Variants in TMEM59 observed in about 807,000 individuals in gnomAD.
The protein encoded by TMEM59 is transmembrane protein 59.
TMEM59 carries 44 observed loss-of-function variants against 42.2 expected under a neutral mutation model. The ratio of observed to expected loss-of-function variants is 1.04; its 90% confidence interval spans 0.82 to 1.34. The LOEUF is 1.34. Ranked by LOEUF, TMEM59 falls within the 40% of genes most tolerant of loss-of-function variation. The pLI is 0.00. For synonymous variants in TMEM59, 148 were observed against 145.8 expected (o/e 1.02, Z -0.11); for missense variants, 359 against 382.8 (o/e 0.94, Z 0.52).
chr1:54,045,446 A>G (rs1657297117), intron 3 of TMEM59: 3 of 428,362 alleles, frequency 7.0e-6, no homozygotes, highest in Non-Finnish European at 1.2e-5. Context: ...AATGAGGATA[A>G]TATCTTCACT....
chr1:54,035,573 T>A (rs1312739440), intron 7 of TMEM59, among the ~76,000 whole-genome samples: 2 of 152,134 alleles, frequency 1.3e-5, no homozygotes, highest in Admixed American at 6.5e-5. Context: ...TGGGGTTAGA[T>A]ACCAGAATAT....
At chr1:54,038,212 A>T (rs140694644) in intron 6 of TMEM59, among the ~76,000 whole-genome samples, 1 of 152,290 alleles carries the variant, frequency 6.6e-6, no homozygotes, top group East Asian at 1.9e-4. Context: ...CATATATAGT[A>T]ATGTACCCTA....
chr1:54,041,105 T>C (rs1449827153), intron 5 of TMEM59, among the ~76,000 whole-genome samples: 1 of 152,232 alleles, frequency 6.6e-6, no homozygotes, highest in Non-Finnish European at 1.5e-5. Context: ...TGGTTTATTC[T>C]AATCTAATTA....
intron 3 of TMEM59, 23 bp from the exon 4 acceptor site, chr1:54,043,548 GA>G (rs1319881193): frequency 1.4e-6 from 2 of 1,387,058 alleles, no homozygotes; most frequent in Non-Finnish European, 1.9e-6. Flanking sequence ...TAAATAATGA[GA>G]AATATATTAT....
chr1:54,042,337 T>C (rs149291808), intron 4 of TMEM59, among the ~76,000 whole-genome samples: 19 of 152,294 alleles, frequency 1.2e-4, no homozygotes, highest in Admixed American at 3.9e-4. Context: ...ATCCCAGTTA[T>C]GCTCAAATTC....
At chr1:54,036,576 G>T in intron 7 of TMEM59, 34 bp downstream of exon 7, 1 of 1,432,014 alleles carries the variant, frequency 7.0e-7, no homozygotes, top group South Asian at 1.3e-5. Context: ...TATATCACAG[G>T]GCTCAGTCTT....
At chr1:54,034,321 T>C (rs1051882734) in intron 7 of TMEM59, 1 of 152,124 alleles carries the variant, frequency 6.6e-6, no homozygotes, top group African/African-American at 2.4e-5. Context: ...ATAGATTTTC[T>C]TTCTGGGCTG....
Position 54,052,988 on chromosome 1 carries a change from G to C in TMEM59, c.189+12C>G. On this transcript the variant is annotated intron_variant, in intron 1 of 7. Coordinates refer to ENST00000234831, the MANE Select transcript of TMEM59 (RefSeq NM_004872.5). ...AAGGGAAGGGTCGCAGCCCGCTCCG[G>C]ACGGGCCCTACCTTAGGGTAGGTGT... 6.2e-7 allele frequency: 1 copy of C among 1,604,100 alleles called. No homozygotes were observed. Among genetic ancestry groups the C allele is most frequent in the African/African-American group, 1.3e-5 (1 of 74,864 alleles).
In TMEM59 at chr1:54,030,402, A is replaced by AT. The variant is rs772874732; in HGVS notation, c.*1747dup. 27 of 150,114 alleles carry AT rather than the reference A, an allele frequency of 1.8e-4. No individual in the cohort carries two copies. The highest frequency in any genetic ancestry group is 3.4e-3 in the Middle Eastern group (1 of 292). 9.3% of individuals were successfully genotyped at this position (150,114 alleles called of 1,614,324 possible). ...GGGAGACGAAACAACAGGGCTTTTT[A>AT]TTTTTTTTTAATGGTAACTCCTATC... On this transcript the variant is annotated 3_prime_UTR_variant, in exon 8 of 8. Transcript: ENST00000234831.
chr1:54,032,395 G>C, intron 7 of TMEM59, 90 bp from the exon 8 acceptor site: 7 of 1,235,514 alleles, frequency 5.7e-6, no homozygotes, highest in Non-Finnish European at 7.4e-6. Flanking sequence ...TTTATAAATA[G>C]TTGGTAAAAA....
At chr1:54,038,296 T>C (rs1228865373) in intron 6 of TMEM59, among the ~76,000 whole-genome samples, 2 of 152,192 alleles carry the variant, frequency 1.3e-5, no homozygotes, top group Non-Finnish European at 2.9e-5. Context: ...CTAGCAAAAA[T>C]TTCTACTCAT....
intron 6 of TMEM59, among the ~76,000 whole-genome samples, chr1:54,038,594 C>T (rs1399855071): frequency 6.6e-6 from 1 of 152,174 alleles, no homozygotes; most frequent in Non-Finnish European, 1.5e-5. Flanking sequence ...GACCAGATTC[C>T]AATAACTGGC....
intron 1 of TMEM59, 87 bp from the exon 2 acceptor site, chr1:54,047,459 T>A: frequency 9.7e-7 from 1 of 1,031,734 alleles, no homozygotes; most frequent in Non-Finnish European, 1.5e-6. Context: ...AAGCAGTTAG[T>A]AAAGTTTATT....
At chr1:54,048,262 A>G (rs914035592) in intron 1 of TMEM59, among the ~76,000 whole-genome samples, 2 of 152,222 alleles carry the variant, frequency 1.3e-5, no homozygotes, top group African/African-American at 4.8e-5. Context: ...GGGAAAGGAC[A>G]CTGCAATCAG....
intron 6 of TMEM59, among the ~76,000 whole-genome samples, chr1:54,038,732 A>G (rs1363997843): frequency 6.6e-6 from 1 of 152,232 alleles, no homozygotes. Context: ...TAGTGACTGT[A>G]TAACCTTGCG....
chr1:54,035,706 G>A (rs1488958350), intron 7 of TMEM59, among the ~76,000 whole-genome samples: 1 of 151,982 alleles, frequency 6.6e-6, no homozygotes, highest in Non-Finnish European at 1.5e-5. Context: ...TCAACCTCCT[G>A]GGCTCAAGTG....
rs1321467536 is a variant in TMEM59 at position 54,027,109 on chromosome 1, T to C, written c.*5041A>G. ...ATAACATTTCCTTCAATTACGAATA[T>C]AGGAAACAGTCCACAGTAGGATCAG... On this transcript the variant is annotated 3_prime_UTR_variant, in exon 8 of 8. Transcript: ENST00000234831. 2 of 152,210 alleles carry C rather than the reference T, an allele frequency of 1.3e-5. No individual in the cohort carries two copies. The highest frequency in any genetic ancestry group is 2.1e-4 in the South Asian group (1 of 4,832). 9.4% of individuals were successfully genotyped at this position (152,210 alleles called of 1,614,324 possible). A position where few individuals can be genotyped will look rare whatever the true frequency, so the allele number is the denominator to read the frequency against.
At chr1:54,042,045 CGTTTT>C (rs1205438008) in intron 4 of TMEM59, among the ~76,000 whole-genome samples, 3 of 146,790 alleles carry the variant, frequency 2.0e-5, no homozygotes, top group South Asian at 4.2e-4. Flanking sequence ...TTCCTGACAA[CGTTTT>C]GTTTTGTTTT....
chr1:54,034,689 G>A (rs10888831), intron 7 of TMEM59: 47,682 of 152,160 alleles, frequency 0.31, 7,782 homozygotes, highest in Admixed American at 0.44. Flanking sequence ...CACAAGAATC[G>A]CTTGAACCCG....
Sources: allele counts gnomAD v4.1 joint callset (sites outside exome capture counted in the v4.1 genomes callset), GRCh38; gene constraint gnomAD v4.1.1; transcripts MANE v1.5; gene names NCBI Gene and HGNC (gene_info 2026-07-23, HGNC 2026-07-21).